PPP1R21: variants seen among roughly 807,000 people sequenced by gnomAD.
The protein encoded by PPP1R21 is protein phosphatase 1 regulatory subunit 21.
PPP1R21 carries 85 observed loss-of-function variants against 112.8 expected under a neutral mutation model. The ratio of observed to expected loss-of-function variants is 0.75; its 90% CI spans 0.63 to 0.90. The LOEUF (loss-of-function observed/expected upper bound fraction) is 0.90. Among genes scored for constraint, PPP1R21 ranks in the 40% least tolerant of loss-of-function variants. PPP1R21 has a pLI of 0.00. For synonymous variants in PPP1R21, 381 were observed against 322.3 expected (o/e 1.18, Z -1.95); for missense variants, 1,199 against 901.5 (o/e 1.33, Z -4.23).
intron 19 of PPP1R21, among the ~76,000 whole-genome samples, chr2:48,509,686 C>T (rs1572901606): frequency 6.6e-6 from 1 of 151,662 alleles, no homozygotes; most frequent in South Asian, 2.1e-4. Context: ...GCCTGGGCAA[C>T]AGAGCAAGAC....
chr2:48,485,742 A>G (rs957940957), intron 13 of PPP1R21, among the ~76,000 whole-genome samples: 44 of 151,442 alleles, frequency 2.9e-4, no homozygotes, highest in African/African-American at 1.0e-3. Flanking sequence ...TCCTCCATTA[A>G]TTATCTATAG....
intron 13 of PPP1R21, among the ~76,000 whole-genome samples, chr2:48,484,956 A>G (rs1669211991): frequency 6.6e-6 from 1 of 152,226 alleles, no homozygotes; most frequent in African/African-American, 2.4e-5. Context: ...ATAACATTGT[A>G]TATACTTCCA....
At position 48,483,114 on chromosome 2, in the gene PPP1R21, T is replaced by A. The variant is rs185796692; in HGVS notation, c.1318+3098T>A. 7.7e-4 allele frequency among the ~76,000 whole-genome samples: 117 copies of A among 152,064 alleles called. 2 individuals are homozygous for A. Among genetic ancestry groups the A allele is most frequent in the African/African-American group, 2.6e-3 (106 of 41,498 alleles). On this transcript the variant is annotated intron_variant, in intron 13 of 21. Coordinates refer to ENST00000294952, the MANE Select transcript of PPP1R21 (RefSeq NM_001135629.3). ...ATCCATGTACCTGCAAAGGACATGA[T>A]CTCGTTCCTTTTTATGGCTGCATAG...
Position 48,459,794 on chromosome 2 carries a change from A to T in PPP1R21, c.416A>T (p.Glu139Val), listed in dbSNP as rs1667894998. ...ADEQHKHVEA[E>V]LRSRLATLET... The stretch of plus-strand genomic sequence containing the variant: ...GAGCAGCACAAGCATGTGGAAGCAG[A>T]GCTGAGGAGTCGACTGGCCACTCTG... Residue 139 changes from glutamate (E) to valine (V), a missense_variant, in exon 5 of 22, where the codon GAG becomes GTG. Physicochemically the swap from Glu to Val is moderately radical, Grantham distance 121. Coordinates refer to ENST00000294952, the MANE Select transcript of PPP1R21 (RefSeq NM_001135629.3). The T allele has an allele frequency of 2.5e-6, 4 of 1,613,894 alleles. No homozygotes were observed. The highest frequency in any genetic ancestry group is 3.4e-6 in the Non-Finnish European group (4 of 1,180,048).
At chr2:48,490,398 G>A (rs920784524) in intron 14 of PPP1R21, among the ~76,000 whole-genome samples, 1 of 152,124 alleles carries the variant, frequency 6.6e-6, no homozygotes, top group Non-Finnish European at 1.5e-5. Context: ...CACAGAGGTA[G>A]CATTATCACA....
At chr2:48,497,908 C>T (rs1450304361) in intron 16 of PPP1R21, among the ~76,000 whole-genome samples, 2 of 151,994 alleles carry the variant, frequency 1.3e-5, no homozygotes, top group African/African-American at 4.8e-5. Flanking sequence ...GCCTCGGCCT[C>T]CTAAAGTGCT....
chr2:48,491,844 A>G (rs935742169), intron 15 of PPP1R21, among the ~76,000 whole-genome samples: 2 of 152,128 alleles, frequency 1.3e-5, no homozygotes, highest in African/African-American at 4.8e-5. Flanking sequence ...ATCATTAAAA[A>G]AGAATGAAAG....
rs565196160 is a variant in PPP1R21 at position 48,514,787 on chromosome 2, CCTG to C, written c.*48_*50del. ...GGCGACTGTTCTTTCCAGACCTGCT[CCTG>C]CTGCACAGAGCCGCAGGGCTGAGAC... On this transcript the variant is annotated 3_prime_UTR_variant, in exon 22 of 22. Transcript: ENST00000294952. The C allele has an allele frequency of 7.4e-5, 119 of 1,609,354 alleles. No individual in the cohort carries two copies. Among genetic ancestry groups the C allele is most frequent in the Non-Finnish European group, 9.8e-5 (115 of 1,176,724 alleles).
intron 1 of PPP1R21, 95 bp from the exon 2 acceptor site, chr2:48,450,913 A>T: frequency 1.1e-6 from 1 of 939,164 alleles, no homozygotes; most frequent in Admixed American, 1.8e-5. Flanking sequence ...CTACTTAGTT[A>T]CTCAGTGTAA....
rs1459144744 is a variant in PPP1R21 at position 48,459,900 on chromosome 2, C to T, written c.522C>T (p.Asn174=). Residue 174 remains asparagine (N), a synonymous_variant, in exon 5 of 22, where the codon AAC becomes AAT. Transcript: ENST00000294952. ...TGGAAACCATTGAGAAGCTGCAGAACGACAAGGCTAAACTAGAAGTAAGCC... is the reference window on the plus strand; with the variant it reads ...TGGAAACCATTGAGAAGCTGCAGAATGACAAGGCTAAACTAGAAGTAAGCC... ...KYMETIEKLQ[N]DKAKLEVKSQ... is the part of the protein sequence containing the mutation. 1.1e-5 allele frequency: 18 copies of T among 1,613,920 alleles called. No homozygotes were observed. The highest frequency in any genetic ancestry group is 1.1e-4 in the African/African-American group (8 of 75,022).
At chr2:48,507,524 C>T (rs148169171) in intron 19 of PPP1R21, 139 bp downstream of exon 19, 18,285 of 1,317,186 alleles carry the variant, frequency 0.014, 163 homozygotes, top group Admixed American at 0.033. Flanking sequence ...TGTACCACCA[C>T]GCCCAGCTAA....
intron 2 of PPP1R21, among the ~76,000 whole-genome samples, chr2:48,451,477 A>G (rs906272134): frequency 1.3e-5 from 2 of 152,138 alleles, no homozygotes; most frequent in Non-Finnish European, 2.9e-5. Context: ...AGTGGATTCC[A>G]TTGTGTGAAT....
At chr2:48,499,770 G>A (rs560158366) in intron 17 of PPP1R21, among the ~76,000 whole-genome samples, 63 of 152,204 alleles carry the variant, frequency 4.1e-4, no homozygotes, top group African/African-American at 1.4e-3. Context: ...TAATTACAGT[G>A]ATTTAGAAAG....
chr2:48,472,380 C>T (rs1156598459), intron 11 of PPP1R21, among the ~76,000 whole-genome samples: 1 of 151,422 alleles, frequency 6.6e-6, no homozygotes, highest in Non-Finnish European at 1.5e-5. Context: ...AGTCCCAGCA[C>T]TTTGGGAGGC....
intron 1 of PPP1R21, among the ~76,000 whole-genome samples, chr2:48,448,144 A>G (rs1360399734): frequency 6.6e-6 from 1 of 152,154 alleles, no homozygotes; most frequent in Non-Finnish European, 1.5e-5. Context: ...ATCTTCCTCC[A>G]TTTCTACCTA....
At chr2:48,488,737 A>C (rs947750340) in intron 14 of PPP1R21, among the ~76,000 whole-genome samples, 1 of 152,222 alleles carries the variant, frequency 6.6e-6, no homozygotes, top group African/African-American at 2.4e-5. Flanking sequence ...TTTCAACCAA[A>C]ATATTTGAAC....
intron 4 of PPP1R21, among the ~76,000 whole-genome samples, chr2:48,458,643 C>A (rs1667831992): frequency 7.0e-6 from 1 of 143,488 alleles, no homozygotes; most frequent in Non-Finnish European, 1.5e-5. Context: ...TGGTTCTTAT[C>A]CCTACCCCTG....
Position 48,440,839 on chromosome 2 carries a change from G to A in PPP1R21, c.-115G>A, listed in dbSNP as rs1666983568. 1.4e-6 allele frequency: 1 copy of A among 727,052 alleles called. No homozygotes were observed. The highest frequency in any genetic ancestry group is 2.3e-6 in the Non-Finnish European group (1 of 439,288). 45.0% of individuals were successfully genotyped at this position (727,052 alleles called of 1,614,324 possible). A position where few individuals can be genotyped will look rare whatever the true frequency, so the allele number is the denominator to read the frequency against. On this transcript the variant is annotated 5_prime_UTR_variant, in exon 1 of 22. Coordinates refer to ENST00000294952, the MANE Select transcript of PPP1R21 (RefSeq NM_001135629.3). Reference sequence around the variant, plus strand: ...CGGCGGCGGCGGCGGCGGCGGCTGCGGTGGCCAAGCAGGCAGATACTGCCT... The same window carrying A: ...CGGCGGCGGCGGCGGCGGCGGCTGCAGTGGCCAAGCAGGCAGATACTGCCT...
chr2:48,480,341 G>A (rs575671626), intron 13 of PPP1R21, among the ~76,000 whole-genome samples: 3 of 152,176 alleles, frequency 2.0e-5, no homozygotes, highest in Non-Finnish European at 4.4e-5. Flanking sequence ...TGCAAAATAC[G>A]TTGCGCTTCT....
Sources: allele counts gnomAD v4.1 joint callset (sites outside exome capture counted in the v4.1 genomes callset), GRCh38; gene constraint gnomAD v4.1.1; transcripts MANE v1.5; gene names NCBI Gene and HGNC (gene_info 2026-07-23, HGNC 2026-07-21).